The following ADGRG1 variants were observed in gnomAD, a reference collection of about 807,000 sequenced individuals.
ADGRG1 encodes adhesion G protein-coupled receptor G1.
Under a neutral mutation model 73.5 loss-of-function variants are expected in ADGRG1, and 53 were observed. That is an observed-to-expected ratio of 0.72 (90% confidence interval 0.58 to 0.91). The LOEUF (loss-of-function observed/expected upper bound fraction) is 0.91, where lower values mean the gene tolerates loss of function less well. ADGRG1 is among the 40% of genes least tolerant of loss of function. ADGRG1 has a pLI of 0.00. For synonymous variants in ADGRG1, 394 were observed against 374.4 expected (o/e 1.05, Z -0.60); for missense variants, 795 against 871.8 (o/e 0.91, Z 1.11).
At chr16:57,633,824 A>G (rs1206729817) in intron 1 of ADGRG1, among the ~76,000 whole-genome samples, 1 of 152,202 alleles carries the variant, frequency 6.6e-6, no homozygotes, top group Admixed American at 6.5e-5. Flanking sequence ...CCATCCTCCC[A>G]GGATGTTACC....
At chr16:57,662,877 T>G in intron 13 of ADGRG1, 3 of 966,154 alleles carry the variant, frequency 3.1e-6, no homozygotes, top group Non-Finnish European at 3.7e-6. Context: ...GGGGCTCTCA[T>G]GGGGTTCAAG....
chr16:57,639,753 C>T (rs574760503), intron 1 of ADGRG1: 1 of 828,470 alleles, frequency 1.2e-6, no homozygotes, highest in African/African-American at 1.9e-5. Context: ...TCTCCCCTGT[C>T]TTCCTCCTTC....
chr16:57,650,970 A>C, intron 2 of ADGRG1: 2 of 649,594 alleles, frequency 3.1e-6, no homozygotes, highest in Non-Finnish European at 3.8e-6. Flanking sequence ...AGCCTCCCAA[A>C]GTGCTGGGAT....
chr16:57,639,699 C>G (rs2040276064), intron 1 of ADGRG1: 2 of 974,600 alleles, frequency 2.1e-6, no homozygotes, highest in Non-Finnish European at 2.4e-6. Context: ...CTCTCCCCTC[C>G]TCCCCGTCCC....
At position 57,659,638 on chromosome 16, in the gene ADGRG1, C is replaced by G. The variant is rs886043658; in HGVS notation, c.1512C>G (p.Thr504=). The G allele has an allele frequency of 5.0e-6, 8 of 1,613,934 alleles. No individual in the cohort carries two copies. In the African/African-American group the frequency reaches 1.1e-4, roughly 22 times the overall value. The change falls in exon 11 of 14, where the codon ACC becomes ACG. Residue 504 remains threonine (T), a synonymous_variant. Transcript: ENST00000562631. The part of the protein sequence containing the change: ...LYRLVVEVFG[T]YVPGYLLKLS... The stretch of plus-strand genomic sequence containing the variant: ...GACTCGTGGTGGAGGTCTTTGGCAC[C>G]TATGTCCCTGGCTACCTACTCAAGC...
At chr16:57,635,937 C>T in intron 1 of ADGRG1, 2 of 985,412 alleles carry the variant, frequency 2.0e-6, no homozygotes, top group South Asian at 4.7e-5. Context: ...CTATGGTTTG[C>T]ACTTGTACGT....
At chr16:57,634,487 T>C (rs2038867522) in intron 1 of ADGRG1, 2 of 984,494 alleles carry the variant, frequency 2.0e-6, no homozygotes, top group Middle Eastern at 5.2e-4. Context: ...ACAAAGACCC[T>C]CATTCAATCT....
intron 1 of ADGRG1, chr16:57,646,472 T>C: frequency 1.0e-6 from 1 of 985,326 alleles, no homozygotes. Context: ...GACTGGCCTG[T>C]TCTGTCCTGT....
rs2037025786 is a variant in ADGRG1, at chr16:57,629,216, TGTGG to T, written c.-36+421_-36+424del. On this transcript the variant is annotated intron_variant, in intron 1 of 13. Coordinates refer to ENST00000562631, the MANE Select transcript of ADGRG1 (RefSeq NM_201525.4). ...GGGATCTAGTCCAGGTCAGCATGGCTGTGGGTGGGTCTCTAGAGTGGGGGCGGAC... is the reference window on the plus strand; with the variant it reads ...GGGATCTAGTCCAGGTCAGCATGGCTGTGGGTCTCTAGAGTGGGGGCGGAC... 8.2e-6 allele frequency: 8 copies of T among 978,068 alleles called. No individual in the cohort carries two copies. In the South Asian group the frequency reaches 3.8e-4, roughly 46 times the overall value. The allele number at this position is 978,068 out of a possible 1,614,324, so 60.6% of individuals were successfully genotyped here. A position where few individuals can be genotyped will look rare whatever the true frequency, so the allele number is the denominator to read the frequency against.
chr16:57,623,876 A>G (rs571129824), upstream of ADGRG1: 68 of 949,156 alleles, frequency 7.2e-5, no homozygotes, highest in African/African-American at 8.8e-5. Flanking sequence ...CGCAAAACAC[A>G]TGGTCTGAGA....
intron 1 of ADGRG1, chr16:57,636,685 T>C: frequency 6.1e-6 from 6 of 985,292 alleles, no homozygotes; most frequent in Non-Finnish European, 7.2e-6. Context: ...GGAGCCTGCC[T>C]GCCCTGGGTT....
upstream of ADGRG1, among the ~76,000 whole-genome samples, chr16:57,620,382 G>A (rs1398130747): frequency 2.0e-5 from 3 of 152,200 alleles, no homozygotes; most frequent in Non-Finnish European, 4.4e-5. Context: ...TCCTAGCACC[G>A]GGAAGCTGGC....
intron 2 of ADGRG1, chr16:57,621,836 T>C: frequency 1.0e-6 from 1 of 984,508 alleles, no homozygotes; most frequent in African/African-American, 1.7e-5. Context: ...GCAAGTAGGA[T>C]GGTCTTGAGG....
intron 11 of ADGRG1, chr16:57,660,542 G>T (rs2046834856): frequency 1.3e-6 from 1 of 742,894 alleles, no homozygotes; most frequent in Non-Finnish European, 1.6e-6. Context: ...GTGACGAAGG[G>T]CAGGGCTAAG....
upstream of ADGRG1, chr16:57,628,073 G>A (rs2036212047): frequency 1.0e-6 from 1 of 985,240 alleles, no homozygotes. Context: ...ACCCCCCGGG[G>A]GGACGCAGGT....
chr16:57,655,757 C>A, intron 6 of ADGRG1, 119 bp from the exon 7 acceptor site: 1 of 1,609,188 alleles, frequency 6.2e-7, no homozygotes, highest in Admixed American at 1.7e-5. Context: ...GAGGGAGACG[C>A]AGCATCTCAA....
At chr16:57,650,727 G>C (rs866345894) in intron 2 of ADGRG1, among the ~76,000 whole-genome samples, 1 of 31,866 alleles carries the variant, frequency 3.1e-5, no homozygotes, top group African/African-American at 1.4e-4. Flanking sequence ...TTTTTTTTTT[G>C]AGACGGAGTC....
In ADGRG1 at chr16:57,629,041, A is replaced by ACTGAGAGTTTGAGTGTGAGT. The variant is rs1567670477; in HGVS notation, c.-36+239_-36+240insCTGAGAGTTTGAGTGTGAGT. 14 of 360,932 alleles carry ACTGAGAGTTTGAGTGTGAGT rather than the reference A, an allele frequency of 3.9e-5. 4 individuals are homozygous for ACTGAGAGTTTGAGTGTGAGT. The highest frequency in any genetic ancestry group is 1.4e-3 in the Middle Eastern group (1 of 698). The allele number at this position is 360,932 out of a possible 1,614,324, so 22.4% of individuals were successfully genotyped here. A position where few individuals can be genotyped will look rare whatever the true frequency, so the allele number is the denominator to read the frequency against. On this transcript the variant is annotated intron_variant, in intron 1 of 13. Transcript: ENST00000562631. ...CTGAGCGTTTGAGTGTGAGAGTGTG[A>ACTGAGAGTTTGAGTGTGAGT]GTGAGTGTGTGTGAGTATGAGTGTG...
upstream of ADGRG1, chr16:57,624,196 T>C (rs1596939578): frequency 1.0e-6 from 1 of 982,674 alleles, no homozygotes; most frequent in Non-Finnish European, 1.2e-6. Context: ...ACTGCTCTTG[T>C]CTAAAAAATA....
Sources: gnomAD v4.1 joint callset for allele counts (sites outside exome capture counted in the v4.1 genomes callset) on GRCh38, gnomAD v4.1.1 for gene constraint, MANE v1.5 for transcripts, NCBI Gene and HGNC (gene_info 2026-07-23, HGNC 2026-07-21) for gene names.